TNK2: variants seen among roughly 807,000 people sequenced by gnomAD.
TNK2 encodes the protein tyrosine kinase non receptor 2, also known as activated CDC42 kinase 1.
In TNK2, 83 loss-of-function variants were observed where a neutral mutation model predicts 101.8. The observed-to-expected ratio is 0.82, with a 90% CI of 0.68 to 0.98. TNK2 has a LOEUF of 0.98. TNK2 is among the 50% of genes least tolerant of loss of function. The pLI is 0.00. For missense variants in TNK2, 1,665 were observed against 1,483.2 expected (o/e 1.12, Z -2.01); for synonymous variants, 804 against 633.0 (o/e 1.27, Z -4.06).
At chr3:195,873,028 G>T (rs560492990) in intron 9 of TNK2, among the ~76,000 whole-genome samples, 3 of 152,144 alleles carry the variant, frequency 2.0e-5, no homozygotes, top group Non-Finnish European at 4.4e-5. Context: ...GAATGCAGAC[G>T]CGGGAGAGTC....
intron 1 of TNK2, among the ~76,000 whole-genome samples, chr3:195,891,661 C>G (rs1205955712): frequency 6.6e-6 from 1 of 152,134 alleles, no homozygotes; most frequent in African/African-American, 2.4e-5. Context: ...AAGTGACCCC[C>G]CCCCTCCAGG....
intron 9 of TNK2, chr3:195,876,596 C>A: frequency 2.2e-6 from 1 of 456,314 alleles, no homozygotes; most frequent in Non-Finnish European, 4.4e-6. Context: ...TGGCCTCCTG[C>A]CCCTCACCTC....
At position 195,882,687 on chromosome 3, in the gene TNK2, G is replaced by A. The variant is rs931791521; in HGVS notation, c.610-359C>T. On this transcript the variant is annotated intron_variant, in intron 5 of 15. Transcript: ENST00000672887. This position sits in a 1 kb window ranked among gnomAD's most constrained non-coding sequence, Gnocchi z 4.2. ...AGCCTGGCCAACATGGTGAAACCCC[G>A]TCTCTACTAAAAATACAAAAATTAG... 1.3e-5 allele frequency among the ~76,000 whole-genome samples: 2 copies of A among 152,026 alleles called. No individual in the cohort carries two copies. Among genetic ancestry groups the A allele is most frequent in the Non-Finnish European group, 2.9e-5 (2 of 67,956 alleles).
chr3:195,868,020 T>TGGG lies in TNK2; in HGVS notation c.2275_2277dup (p.Pro759dup). ...TGTGGGCGCGTGGGCCGAGGGGGGA[T>TGGG]GGGTACCCGAGGAGGCACCTGGGGC... On this transcript the variant is annotated inframe_insertion, in exon 13 of 16. Coordinates refer to ENST00000672887, the MANE Select transcript of TNK2 (RefSeq NM_001382273.1). 6.3e-7 allele frequency: 1 copy of TGGG among 1,582,734 alleles called. No homozygotes were observed. The highest frequency in any genetic ancestry group is 1.7e-4 in the Middle Eastern group (1 of 6,006).
intron 10 of TNK2, among the ~76,000 whole-genome samples, chr3:195,870,916 G>C (rs1469508938): frequency 6.6e-6 from 1 of 151,648 alleles, no homozygotes; most frequent in Non-Finnish European, 1.5e-5. Context: ...CCGCTGTGTG[G>C]GTTCTGGTGT....
chr3:195,901,079 G>A (rs1761155981), intron 1 of TNK2, among the ~76,000 whole-genome samples: 1 of 152,230 alleles, frequency 6.6e-6, no homozygotes, highest in Admixed American at 6.5e-5. Flanking sequence ...CTGGGAACAT[G>A]TCACCTAGAG....
At chr3:195,905,079 A>C (rs1189664160) in intron 1 of TNK2, among the ~76,000 whole-genome samples, 1 of 152,256 alleles carries the variant, frequency 6.6e-6, no homozygotes, top group Non-Finnish European at 1.5e-5. Context: ...CCCTGATTTC[A>C]AGACTTACTA....
chr3:195,906,692 A>T (rs1432131848), intron 1 of TNK2, among the ~76,000 whole-genome samples: 1 of 152,190 alleles, frequency 6.6e-6, no homozygotes, highest in African/African-American at 2.4e-5. Flanking sequence ...ACGGGTATAT[A>T]CACAGGCCAC....
rs1402831488 is a variant in TNK2, at chr3:195,866,965, C to T, written c.3085G>A (p.Val1029Met). ...GLRPRGECHK[V>M]LEMFDWNLEQ... ...AGGTTCCAGTCGAACATCTCCAGCA[C>T]TTTGTGGCACTCCCCTCTGGGCCGC... Residue 1029 changes from valine (V) to methionine (M), a missense_variant, in exon 15 of 16, where the codon GTG (valine) becomes ATG (methionine). Coordinates refer to ENST00000672887, the MANE Select transcript of TNK2 (RefSeq NM_001382273.1). 3.7e-6 allele frequency: 6 copies of T among 1,613,172 alleles called. No homozygotes were observed. In the South Asian group the frequency reaches 4.4e-5, roughly 12 times the overall value.
At chr3:195,881,987 G>A (rs1753351105) in intron 6 of TNK2, 64 bp downstream of exon 6, 1 of 1,551,284 alleles carries the variant, frequency 6.4e-7, no homozygotes, top group Non-Finnish European at 8.7e-7. Context: ...GGTCCAGAAA[G>A]CCCCAGAAGC....
At chr3:195,905,628 C>T (rs754750280) in intron 1 of TNK2, among the ~76,000 whole-genome samples, 2 of 151,772 alleles carry the variant, frequency 1.3e-5, no homozygotes, top group African/African-American at 2.4e-5. Context: ...CCTTGCACCA[C>T]GTAACAAAAA....
chr3:195,883,126 C>T (rs950335725), intron 5 of TNK2, 31 bp downstream of exon 5: 1 of 1,596,892 alleles, frequency 6.3e-7, no homozygotes, highest in African/African-American at 1.3e-5. Flanking sequence ...AGCCCTCTCC[C>T]TGCCCGCCCC....
At chr3:195,903,208 T>C (rs530418027) in intron 1 of TNK2, among the ~76,000 whole-genome samples, 3 of 152,024 alleles carry the variant, frequency 2.0e-5, no homozygotes, top group African/African-American at 7.2e-5. Context: ...ACCCAGCTAA[T>C]TTTTTGTATT....
At chr3:195,869,275 G>A (rs899866113) in intron 12 of TNK2, 25 of 609,824 alleles carry the variant, frequency 4.1e-5, no homozygotes, top group South Asian at 1.5e-4. Context: ...GAGTGAGGCC[G>A]AGGCGGAAGC....
intron 9 of TNK2, among the ~76,000 whole-genome samples, chr3:195,873,849 G>A (rs968902790): frequency 9.9e-5 from 15 of 152,162 alleles, no homozygotes; most frequent in Admixed American, 2.0e-4. Flanking sequence ...GCGGGGAGAC[G>A]GGGCTGTGCT....
intron 1 of TNK2, among the ~76,000 whole-genome samples, chr3:195,890,265 G>T (rs1448178607): frequency 1.3e-5 from 2 of 152,044 alleles, no homozygotes; most frequent in African/African-American, 4.8e-5. Flanking sequence ...CACAACATTT[G>T]GGGGGGCCTT....
At chr3:195,907,583 AC>A (rs1761868544) in intron 1 of TNK2, among the ~76,000 whole-genome samples, 1 of 152,210 alleles carries the variant, frequency 6.6e-6, no homozygotes, top group Non-Finnish European at 1.5e-5. Context: ...AGTAAGGCCC[AC>A]AAGCAGCCCG....
chr3:195,904,516 T>A (rs2149876789), intron 1 of TNK2, among the ~76,000 whole-genome samples: 1 of 152,222 alleles, frequency 6.6e-6, no homozygotes, highest in African/African-American at 2.4e-5. Flanking sequence ...AAATGGTGGT[T>A]CTCAGGGGCT....
chr3:195,873,809 C>T (rs942005550), intron 9 of TNK2, among the ~76,000 whole-genome samples: 1 of 151,124 alleles, frequency 6.6e-6, no homozygotes, highest in Non-Finnish European at 1.5e-5. Context: ...GAGAGCACCA[C>T]GGTCGGCGGG....
Sources: gnomAD v4.1 joint callset for allele counts (sites outside exome capture counted in the v4.1 genomes callset) on GRCh38, gnomAD v4.1.1 for gene constraint, Gnocchi (gnomAD v3.1) non-coding constraint, MANE v1.5 for transcripts, NCBI Gene and HGNC (gene_info 2026-07-23, HGNC 2026-07-21) for gene names.